Variants in ZMYND8 observed in about 807,000 individuals in gnomAD.
ZMYND8 encodes the protein zinc finger MYND-type containing 8.
A neutral mutation model predicts 140.8 loss-of-function variants in ZMYND8; 37 were observed. The observed-to-expected ratio is 0.26, with a 90% CI of 0.20 to 0.35. ZMYND8 has a LOEUF of 0.35. ZMYND8 is among the 10% of genes least tolerant of loss of function. The pLI is 1.00. For missense variants in ZMYND8, 1,068 were observed against 1,570.0 expected (o/e 0.68, Z 5.40); for synonymous variants, 592 against 597.1 (o/e 0.99, Z 0.12).
At chr20:47,255,716 A>ATGTGTG (rs1256666818) in intron 12 of ZMYND8, among the ~76,000 whole-genome samples, 11 of 28,694 alleles carry the variant, frequency 3.8e-4, no homozygotes, top group South Asian at 2.0e-3. Flanking sequence ...TATACCGTGT[A>ATGTGTG]TGTGTGTATA....
intron 5 of ZMYND8, 79 bp from the exon 6 acceptor site, chr20:47,291,967 G>C: frequency 8.1e-7 from 1 of 1,237,316 alleles, no homozygotes; most frequent in South Asian, 1.5e-5. Context: ...CAAAAGGCTT[G>C]AAAAATTGAG....
At chr20:47,323,523 G>A (rs2080147454) in intron 2 of ZMYND8, among the ~76,000 whole-genome samples, 2 of 152,022 alleles carry the variant, frequency 1.3e-5, no homozygotes, top group African/African-American at 4.8e-5. Flanking sequence ...GTTGCACCTG[G>A]CCCCCAAATC....
intron 11 of ZMYND8, among the ~76,000 whole-genome samples, chr20:47,262,885 A>T (rs1388602017): frequency 6.6e-6 from 1 of 152,166 alleles, no homozygotes; most frequent in Non-Finnish European, 1.5e-5. Flanking sequence ...CCAGGGACCA[A>T]CTTGGCCCCT....
intron 8 of ZMYND8, chr20:47,285,683 T>G: frequency 1.0e-6 from 1 of 985,264 alleles, no homozygotes; most frequent in Non-Finnish European, 1.2e-6. Flanking sequence ...AAATGCGCAA[T>G]GATATTCATC....
chr20:47,239,028 T>C lies in ZMYND8; in HGVS notation c.2395A>G (p.Thr799Ala). The change falls in exon 15 of 23, where the codon ACC becomes GCC. Residue 799 changes from threonine (T) to alanine (A), a missense_variant. Physicochemically the swap from Thr to Ala is moderately conservative, Grantham distance 58. This residue lies in a region of ZMYND8 where 383 missense variants were observed against 431.2 expected (regional missense o/e 0.89). Transcript: ENST00000471951. ...QTSAAGATAT[T>A]STSSTVTVTA... is the part of the protein sequence containing the mutation. ...ACGGTGACCGTGGAGGACGTGCTGG[T>C]GGTGGCTGTGGCGCCAGCCGCGGAA... The C allele has an allele frequency of 6.3e-7, 1 of 1,591,264 alleles. No homozygotes were observed. The highest frequency in any genetic ancestry group is 1.1e-5 in the South Asian group (1 of 89,030).
chr20:47,260,441 G>A (rs1303501879), intron 12 of ZMYND8, among the ~76,000 whole-genome samples: 2 of 152,078 alleles, frequency 1.3e-5, no homozygotes, highest in Non-Finnish European at 2.9e-5. Flanking sequence ...AGCCACCCTG[G>A]CCTCCTTGCT....
At position 47,333,724 on chromosome 20, in the gene ZMYND8, C is replaced by CAAAA. The variant is rs57968979; in HGVS notation, c.85+14128_85+14131dup. On this transcript the variant is annotated intron_variant, in intron 2 of 22. Transcript: ENST00000471951. ...CTGGTGACAGAGCGAGACTCCGTCTCAAAAAAAAAAAAAAAAAAAAAAAAA... is the reference window on the plus strand; with the variant it reads ...CTGGTGACAGAGCGAGACTCCGTCTCAAAAAAAAAAAAAAAAAAAAAAAAAAAAA... 2.1e-3 allele frequency among the ~76,000 whole-genome samples: 61 copies of CAAAA among 29,740 alleles called. 7 individuals are homozygous for CAAAA. Among genetic ancestry groups the CAAAA allele is most frequent in the African/African-American group, 3.6e-3 (33 of 9,078 alleles). 19.5% of individuals were successfully genotyped at this position (29,740 alleles called of 152,430 possible).
At position 47,227,203 on chromosome 20, in the gene ZMYND8, C is replaced by T; in HGVS notation, c.3016G>A (p.Glu1006Lys). 5 of 1,614,180 alleles carry T rather than the reference C, an allele frequency of 3.1e-6. No homozygotes were observed. The highest frequency in any genetic ancestry group is 4.2e-6 in the Non-Finnish European group (5 of 1,180,022). ...TCCAGACCAGTGTGTCAGGCCTTAC[C>T]TAAGTTGTGTTTCATTTCGGAGAGC... Reference protein sequence around the residue: ...QELSEMKHNLELTMAEMRQSL... With the variant: ...QELSEMKHNLKLTMAEMRQSL... Residue 1006 changes from glutamate to lysine, a missense_variant and splice_region_variant, in exon 18 of 23, where the codon GAG becomes AAG. Physicochemically the swap from Glu to Lys is moderately conservative, Grantham distance 56. Coordinates refer to ENST00000471951, the MANE Select transcript of ZMYND8 (RefSeq NM_001281775.3).
chr20:47,216,575 G>C (rs1262168274), intron 21 of ZMYND8, among the ~76,000 whole-genome samples: 1 of 148,620 alleles, frequency 6.7e-6, no homozygotes, highest in Non-Finnish European at 1.5e-5. Flanking sequence ...GGGAGGCCAA[G>C]GCACGTGAAA....
chr20:47,295,721 T>G (rs2148027844), intron 4 of ZMYND8, among the ~76,000 whole-genome samples: 1 of 152,318 alleles, frequency 6.6e-6, no homozygotes, highest in East Asian at 1.9e-4. Flanking sequence ...GGGTAATAGA[T>G]ATCAGCTCCT....
At chr20:47,222,028 T>C (rs1318901081) in intron 19 of ZMYND8, among the ~76,000 whole-genome samples, 1 of 152,228 alleles carries the variant, frequency 6.6e-6, no homozygotes, top group Non-Finnish European at 1.5e-5. Context: ...GAGATGAAAG[T>C]ATATTCCTGG....
At chr20:47,303,695 C>CA (rs1195746475) in intron 3 of ZMYND8, among the ~76,000 whole-genome samples, 1,657 of 142,164 alleles carry the variant, frequency 0.012, 26 homozygotes, top group African/African-American at 0.037. Context: ...GACTCTGTCT[C>CA]AAAAAAAAAA....
intron 9 of ZMYND8, 85 bp from the exon 10 acceptor site, chr20:47,282,302 G>A: frequency 8.8e-7 from 1 of 1,132,716 alleles, no homozygotes; most frequent in Non-Finnish European, 1.3e-6. Context: ...GGATGAAGCA[G>A]GACTGTGGGA....
At chr20:47,224,764 G>A (rs1031531252) in intron 18 of ZMYND8, among the ~76,000 whole-genome samples, 48 of 152,216 alleles carry the variant, frequency 3.2e-4, no homozygotes, top group African/African-American at 1.1e-3. Flanking sequence ...CCTGTTGAGA[G>A]TGGACATGAG....
chr20:47,212,818 TA>T, intron 21 of ZMYND8, 93 bp from the exon 22 acceptor site: 2 of 1,140,750 alleles, frequency 1.8e-6, no homozygotes, highest in Non-Finnish European at 2.5e-6. Flanking sequence ...ATCAACAGGC[TA>T]CTGTTATTAG....
intron 12 of ZMYND8, among the ~76,000 whole-genome samples, chr20:47,254,812 T>C (rs1312129203): frequency 1.3e-5 from 2 of 152,096 alleles, no homozygotes; most frequent in African/African-American, 4.8e-5. Context: ...TATTAGCACC[T>C]ACACACCAGT....
At chr20:47,339,068 GT>G (rs2081616727) in intron 2 of ZMYND8, among the ~76,000 whole-genome samples, 1 of 151,312 alleles carries the variant, frequency 6.6e-6, no homozygotes, top group African/African-American at 2.4e-5. Flanking sequence ...TGCCTCCCAG[GT>G]TCATGCCATT....
At chr20:47,215,024 C>G (rs928614017) in intron 21 of ZMYND8, among the ~76,000 whole-genome samples, 1 of 152,114 alleles carries the variant, frequency 6.6e-6, no homozygotes, top group African/African-American at 2.4e-5. Flanking sequence ...AGTTCAAGGC[C>G]AGCCTCGGCA....
At chr20:47,252,291 C>CA (rs144291181) in intron 12 of ZMYND8, among the ~76,000 whole-genome samples, 1,008 of 68,664 alleles carry the variant, frequency 0.015, 14 homozygotes, top group African/African-American at 0.029. Flanking sequence ...GACTCTGTCT[C>CA]AAAAAAAAAA....
Sources: gnomAD v4.1 joint callset for allele counts (sites outside exome capture counted in the v4.1 genomes callset) on GRCh38, gnomAD v4.1.1 for gene constraint, gnomAD v4.1.1 regional missense constraint, MANE v1.5 for transcripts, NCBI Gene and HGNC (gene_info 2026-07-23, HGNC 2026-07-21) for gene names.